The following RANBP17 variants were observed in gnomAD, a reference collection of about 807,000 sequenced individuals.
The protein encoded by RANBP17 is RAN binding protein 17.
RANBP17 carries 158 observed loss-of-function variants against 141.2 expected under a neutral mutation model. The ratio of observed to expected loss-of-function variants is 1.12; its 90% confidence interval spans 0.98 to 1.28. The LOEUF is 1.28. Among genes scored for constraint, RANBP17 ranks in the 50% most tolerant of loss-of-function variants. RANBP17 has a pLI of 0.00. For missense variants in RANBP17, 1,438 were observed against 1,290.7 expected, an observed-to-expected ratio of 1.11 and a Z score of -1.75; for synonymous variants, 430 against 450.0, an observed-to-expected ratio of 0.96 and a Z score of 0.56.
In RANBP17 at chr5:170,935,529, A is replaced by C. The variant is rs181605262; in HGVS notation, c.1468+10979A>C. 2.1e-3 allele frequency among the ~76,000 whole-genome samples: 320 copies of C among 152,318 alleles called. 6 individuals are homozygous for C. In the East Asian group the frequency reaches 0.054, roughly 26 times the overall value. Reference sequence around the variant, plus strand: ...TCTGTTTGTTAGTTTTCCTTCTAACAGTCAGGACCCTCAGCTGCAGGTCTG... The same window carrying C: ...TCTGTTTGTTAGTTTTCCTTCTAACCGTCAGGACCCTCAGCTGCAGGTCTG... On this transcript the variant is annotated intron_variant, in intron 12 of 27. Coordinates refer to ENST00000523189, the MANE Select transcript of RANBP17 (RefSeq NM_022897.5).
At chr5:171,124,435 T>C (rs1756277873) in intron 14 of RANBP17, among the ~76,000 whole-genome samples, 1 of 152,178 alleles carries the variant, frequency 6.6e-6, no homozygotes, top group South Asian at 2.1e-4. Flanking sequence ...ATAGAAAACC[T>C]ATTTAACGAA....
chr5:170,985,985 A>T (rs1321167993), intron 14 of RANBP17, among the ~76,000 whole-genome samples: 1 of 152,078 alleles, frequency 6.6e-6, no homozygotes, highest in Non-Finnish European at 1.5e-5. Flanking sequence ...TTTTCAAGGC[A>T]TTGGGAAGGT....
At chr5:170,975,242 C>T (rs1021627854) in intron 14 of RANBP17, among the ~76,000 whole-genome samples, 46 of 152,228 alleles carry the variant, frequency 3.0e-4, no homozygotes, top group African/African-American at 1.1e-3. Context: ...GAAATTTATT[C>T]AGCCAGCTGG....
chr5:171,048,941 A>G (rs903754863), intron 14 of RANBP17, among the ~76,000 whole-genome samples: 6 of 152,154 alleles, frequency 3.9e-5, no homozygotes, highest in Admixed American at 3.3e-4. Context: ...CAGTGAACAT[A>G]CTTGTGCATG....
chr5:171,054,321 A>G (rs1013153511), intron 14 of RANBP17, among the ~76,000 whole-genome samples: 2 of 152,108 alleles, frequency 1.3e-5, no homozygotes, highest in African/African-American at 4.8e-5. Context: ...CTGCGATTAC[A>G]CTTATAGTTA....
intron 13 of RANBP17, among the ~76,000 whole-genome samples, chr5:170,964,600 A>G (rs891996280): frequency 6.6e-6 from 1 of 151,808 alleles, no homozygotes; most frequent in African/African-American, 2.4e-5. Flanking sequence ...TCCTGTGTCC[A>G]TGTGTTCCCA....
chr5:170,877,633 C>G (rs1018600552), intron 1 of RANBP17, among the ~76,000 whole-genome samples: 6 of 152,168 alleles, frequency 3.9e-5, no homozygotes, highest in African/African-American at 1.4e-4. Context: ...TTTCCCCCAT[C>G]CATCTCCCTA....
intron 14 of RANBP17, among the ~76,000 whole-genome samples, chr5:171,027,555 G>A (rs775059187): frequency 5.3e-5 from 8 of 151,792 alleles, no homozygotes; most frequent in Non-Finnish European, 1.0e-4. Flanking sequence ...TTAAAAAGAG[G>A]CTGTAAAGCA....
chr5:170,884,118 A>G (rs1214115262), intron 3 of RANBP17, among the ~76,000 whole-genome samples: 1 of 152,092 alleles, frequency 6.6e-6, no homozygotes, highest in Non-Finnish European at 1.5e-5. Flanking sequence ...AGCATTTGCC[A>G]TTTTCTGGAT....
chr5:171,277,637 G>GTGTGTGTGTATATATA (rs1437482589), intron 25 of RANBP17, among the ~76,000 whole-genome samples: 1 of 56,900 alleles, frequency 1.8e-5, no homozygotes, highest in African/African-American at 5.8e-5. Context: ...ATATATGTAT[G>GTGTGTGTGTATATATA]TATATATATA....
At chr5:171,144,910 T>A (rs1449580933) in intron 14 of RANBP17, among the ~76,000 whole-genome samples, 1 of 152,220 alleles carries the variant, frequency 6.6e-6, no homozygotes, top group Non-Finnish European at 1.5e-5. Flanking sequence ...TCTTGAGTAT[T>A]CTCGCTTGTG....
intron 12 of RANBP17, among the ~76,000 whole-genome samples, chr5:170,940,118 T>A (rs897108549): frequency 2.6e-5 from 4 of 152,168 alleles, no homozygotes; most frequent in African/African-American, 9.7e-5. Flanking sequence ...TTGAATATTT[T>A]AAAAATAGCC....
Position 170,896,065 on chromosome 5 carries a change from T to C in RANBP17, c.439T>C (p.Cys147Arg), listed in dbSNP as rs555279203. The C allele has an allele frequency of 5.6e-6, 9 of 1,607,484 alleles. No individual in the cohort carries two copies. The highest frequency in any genetic ancestry group is 2.7e-5 in the African/African-American group (2 of 74,734). Residue 147 changes from cysteine (C) to arginine (R), a missense_variant, in exon 5 of 28, where the codon TGC (cysteine) becomes CGC (arginine). Cys to Arg is a radical substitution (Grantham distance 180). Transcript: ENST00000523189. ...KKFLQGTVEH[C>R]IIGVIILSEL... ...TTCTCCAAAGGGTACTGTGGAACAC[T>C]GCATAATAGGAGTAATAATCCTTTC...
chr5:171,022,675 A>G (rs1473569347), intron 14 of RANBP17, among the ~76,000 whole-genome samples: 2 of 152,184 alleles, frequency 1.3e-5, no homozygotes, highest in Non-Finnish European at 2.9e-5. Context: ...CTGGAGCTAT[A>G]CAGAGGGATG....
rs375473163 is a variant in RANBP17 at position 170,916,445 on chromosome 5, A to T, written c.835-20A>T. 2.0e-6 allele frequency: 3 copies of T among 1,509,680 alleles called. No individual in the cohort carries two copies. The highest frequency in any genetic ancestry group is 2.4e-5 in the East Asian group (1 of 42,388). 93.5% of individuals were successfully genotyped at this position (1,509,680 alleles called of 1,614,324 possible). On this transcript the variant is annotated intron_variant, in intron 8 of 27. Coordinates refer to ENST00000523189, the MANE Select transcript of RANBP17 (RefSeq NM_022897.5). ...CAGATACTTTGAAAATTGAAATGAA[A>T]TTTTTTTGGTATTTTTTAGGCACTT...
chr5:171,089,795 C>T (rs1786080107), intron 14 of RANBP17, among the ~76,000 whole-genome samples: 1 of 152,228 alleles, frequency 6.6e-6, no homozygotes, highest in Admixed American at 6.5e-5. Context: ...CCAGGTGAGG[C>T]AATGCCTCGC....
chr5:170,909,236 G>T (rs1347079606), intron 5 of RANBP17, among the ~76,000 whole-genome samples: 2 of 151,774 alleles, frequency 1.3e-5, no homozygotes, highest in Non-Finnish European at 2.9e-5. Flanking sequence ...GACATATATG[G>T]TACATATAGG....
intron 22 of RANBP17, among the ~76,000 whole-genome samples, chr5:171,235,846 A>C (rs1341679341): frequency 6.6e-6 from 1 of 152,170 alleles, no homozygotes; most frequent in Non-Finnish European, 1.5e-5. Flanking sequence ...CATCCGCTTC[A>C]GCCTCCCAAA....
intron 14 of RANBP17, among the ~76,000 whole-genome samples, chr5:171,136,371 A>G (rs1757280702): frequency 6.6e-6 from 1 of 152,074 alleles, no homozygotes. Flanking sequence ...TACGTATTTT[A>G]TATAAAATTT....
Sources: allele counts gnomAD v4.1 joint callset (sites outside exome capture counted in the v4.1 genomes callset), GRCh38; gene constraint gnomAD v4.1.1; transcripts MANE v1.5; gene names NCBI Gene and HGNC (gene_info 2026-07-23, HGNC 2026-07-21).